MRTFB: variants seen among roughly 807,000 people sequenced by gnomAD.
MRTFB encodes the protein myocardin-related transcription factor B.
In MRTFB, 29 loss-of-function variants were observed where a neutral mutation model predicts 104.2. That is an observed-to-expected ratio of 0.28 (90% CI 0.21 to 0.38). The LOEUF (loss-of-function observed/expected upper bound fraction) is 0.38. Among genes scored for constraint, MRTFB ranks in the 10% least tolerant of loss-of-function variants. The pLI is 1.00. For missense variants in MRTFB, 1,270 were observed against 1,341.6 expected (o/e 0.95, Z 0.83); for synonymous variants, 535 against 519.5 (o/e 1.03, Z -0.41).
chr16:14,174,911 T>C (rs1164171974), intron 3 of MRTFB, among the ~76,000 whole-genome samples: 2 of 152,176 alleles, frequency 1.3e-5, no homozygotes, highest in African/African-American at 4.8e-5. Flanking sequence ...TTTGAATGGA[T>C]GAATAGGTTT....
intron 2 of MRTFB, among the ~76,000 whole-genome samples, chr16:14,099,222 A>G (rs1242485172): frequency 1.3e-5 from 2 of 152,142 alleles, no homozygotes; most frequent in South Asian, 2.1e-4. Context: ...ATTTCTCTCA[A>G]TTTATTTATA....
At chr16:14,228,172 C>T (rs1361812612) in intron 8 of MRTFB, among the ~76,000 whole-genome samples, 5 of 152,182 alleles carry the variant, frequency 3.3e-5, no homozygotes, top group Non-Finnish European at 7.3e-5. Context: ...CTCTTGTATA[C>T]TGTTGGTGGG....
chr16:14,027,026 A>G, the MRTFB span, among the ~76,000 whole-genome samples: 1 of 152,234 alleles, frequency 6.6e-6, no homozygotes, highest in Non-Finnish European at 1.5e-5. Context: ...TGCACTCACC[A>G]TAGGACCCAG....
intron 2 of MRTFB, among the ~76,000 whole-genome samples, chr16:14,111,234 T>C (rs1282311376): frequency 6.6e-6 from 1 of 152,116 alleles, no homozygotes; most frequent in African/African-American, 2.4e-5. Context: ...GGGTTAACCC[T>C]GGAAAGAAGA....
chr16:14,242,782 T>TTG (rs1294703105), intron 10 of MRTFB, among the ~76,000 whole-genome samples: 1 of 152,174 alleles, frequency 6.6e-6, no homozygotes, highest in Admixed American at 6.5e-5. Context: ...GAAAAATAGA[T>TTG]TAACATGTTT....
intron 10 of MRTFB, 70 bp downstream of exon 10, chr16:14,240,554 C>A: frequency 6.2e-7 from 1 of 1,608,126 alleles, no homozygotes; most frequent in South Asian, 1.1e-5. Flanking sequence ...TATAAGTTAC[C>A]AAAAGTTGAA....
At chr16:14,220,750 A>G (rs537855048) in intron 8 of MRTFB, among the ~76,000 whole-genome samples, 1 of 152,338 alleles carries the variant, frequency 6.6e-6, no homozygotes, top group Admixed American at 6.5e-5. Flanking sequence ...TGCCTGTTAC[A>G]TGCAGACCAC....
intron 2 of MRTFB, among the ~76,000 whole-genome samples, chr16:14,135,935 C>G (rs2037695182): frequency 6.6e-6 from 1 of 152,154 alleles, no homozygotes; most frequent in Non-Finnish European, 1.5e-5. Context: ...TTGAAGACTT[C>G]CCTAACTTAC....
At chr16:14,219,142 C>T in intron 8 of MRTFB, 144 bp downstream of exon 8, 4 of 764,228 alleles carry the variant, frequency 5.2e-6, no homozygotes, top group South Asian at 3.2e-5. Context: ...ACTTAACTGC[C>T]CTCCAGGAAG....
intron 3 of MRTFB, chr16:14,187,168 T>A: frequency 1.4e-6 from 1 of 721,980 alleles, no homozygotes; most frequent in Non-Finnish European, 2.2e-6. Context: ...TTCTAAGTTC[T>A]TTGAAATGAA....
chr16:14,162,545 T>C (rs1191209565), intron 3 of MRTFB, among the ~76,000 whole-genome samples: 1 of 152,168 alleles, frequency 6.6e-6, no homozygotes, highest in Non-Finnish European at 1.5e-5. Flanking sequence ...GAGTATAGCA[T>C]TGAGAATGAA....
the MRTFB span, among the ~76,000 whole-genome samples, chr16:14,034,625 A>G: frequency 6.6e-6 from 1 of 151,918 alleles, no homozygotes. Context: ...ACAAAAAAAA[A>G]AAAAAAAAAA....
the MRTFB span, chr16:14,013,569 G>A: frequency 6.6e-6 from 1 of 152,240 alleles, no homozygotes; most frequent in African/African-American, 2.4e-5. Context: ...TAACTCAGCT[G>A]CGATTACGAA....
intron 2 of MRTFB, among the ~76,000 whole-genome samples, chr16:14,134,238 A>G (rs961214948): frequency 2.0e-5 from 3 of 152,170 alleles, no homozygotes; most frequent in African/African-American, 7.2e-5. Context: ...TTTTCTATAC[A>G]GTGTATTGTC....
intron 3 of MRTFB, among the ~76,000 whole-genome samples, chr16:14,155,375 T>C (rs2038791402): frequency 6.6e-6 from 1 of 152,230 alleles, no homozygotes; most frequent in South Asian, 2.1e-4. Context: ...TTGTATATAG[T>C]TATAGTAGCT....
chr16:14,006,972 G>A, the MRTFB span, among the ~76,000 whole-genome samples: 9 of 151,142 alleles, frequency 6.0e-5, no homozygotes, highest in East Asian at 2.0e-4. Flanking sequence ...AGCTATGATC[G>A]CACCACTGCA....
rs1409162066 is a variant in MRTFB at position 14,071,334 on chromosome 16, C to T, written c.-160C>T. ...GAAGTCTCGCGAGATCGCGCGGCGG[C>T]GGCGGGAGCGGCGGCGGCGGCGGCC... On this transcript the variant is annotated 5_prime_UTR_variant, in exon 1 of 17. Coordinates refer to ENST00000571589, the MANE Select transcript of MRTFB (RefSeq NM_001308142.2). 2 of 165,626 alleles carry T rather than the reference C, an allele frequency of 1.2e-5. No homozygotes were observed. The highest frequency in any genetic ancestry group is 2.5e-5 in the Non-Finnish European group (2 of 80,060). The allele number at this position is 165,626 out of a possible 1,614,324, so 10.3% of individuals were successfully genotyped here.
At chr16:14,253,942 C>T (rs2043366207) in intron 15 of MRTFB, among the ~76,000 whole-genome samples, 1 of 152,196 alleles carries the variant, frequency 6.6e-6, no homozygotes, top group Non-Finnish European at 1.5e-5. Context: ...CATCTATTCT[C>T]TTCACAGGGG....
Position 14,240,444 on chromosome 16 carries a change from C to G in MRTFB, c.1039C>G (p.Gln347Glu), listed in dbSNP as rs767814640. The G allele has an allele frequency of 1.9e-6, 3 of 1,614,114 alleles. No individual in the cohort carries two copies. In the East Asian group the frequency reaches 6.7e-5, roughly 36 times the overall value. The stretch of plus-strand genomic sequence containing the variant: ...ACTGCAGATCCTGAGTCAGCAGAAG[C>G]AGCACTACAACTACCAGACCATCCT... ...LQLQILSQQKQHYNYQTILPA... is the reference protein window; with the variant it reads ...LQLQILSQQKEHYNYQTILPA... Residue 347 changes from glutamine (Q) to glutamate (E), a missense_variant, in exon 10 of 17, where the codon CAG becomes GAG. Coordinates refer to ENST00000571589, the MANE Select transcript of MRTFB (RefSeq NM_001308142.2).
Sources: allele counts gnomAD v4.1 joint callset (sites outside exome capture counted in the v4.1 genomes callset), GRCh38; gene constraint gnomAD v4.1.1; transcripts MANE v1.5; gene names NCBI Gene and HGNC (gene_info 2026-07-23, HGNC 2026-07-21).